Variants in PPM1L observed in about 807,000 individuals in gnomAD.
The protein encoded by PPM1L is protein phosphatase, Mg2+/Mn2+ dependent 1L.
A neutral mutation model predicts 31.4 loss-of-function variants in PPM1L; 13 were observed. That is an observed-to-expected ratio of 0.41 (90% CI 0.27 to 0.66). The LOEUF is 0.66. Among genes scored for constraint, PPM1L ranks in the 30% least tolerant of loss-of-function variants. The pLI, the probability that PPM1L is intolerant of heterozygous loss-of-function variation, is 0.29. For synonymous variants in PPM1L, 184 were observed against 175.4 expected (o/e 1.05, Z -0.39); for missense variants, 326 against 453.7 (o/e 0.72, Z 2.56).
At chr3:160,944,677 A>C (rs1289829324) in intron 1 of PPM1L, among the ~76,000 whole-genome samples, 1 of 140,490 alleles carries the variant, frequency 7.1e-6, no homozygotes, top group Non-Finnish European at 1.5e-5. Flanking sequence ...AAGGCACATA[A>C]TAAATGCAAG....
In PPM1L at chr3:160,877,823, G is replaced by A. The variant is rs147870404; in HGVS notation, c.400-83913G>A. On this transcript the variant is annotated intron_variant, in intron 1 of 3. Coordinates refer to ENST00000498165, the MANE Select transcript of PPM1L (RefSeq NM_139245.4). Reference sequence around the variant, plus strand: ...ACCCTAATCTTCTTATTAAGCAAATGGGTTTTCTACTTGGCCAGTGCTCTG... The same window carrying A: ...ACCCTAATCTTCTTATTAAGCAAATAGGTTTTCTACTTGGCCAGTGCTCTG... Among the ~76,000 whole-genome samples, 404 of 152,252 alleles carry A rather than the reference G, an allele frequency of 2.7e-3. 1 individual carries two copies. The highest frequency in any genetic ancestry group is 5.1e-3 in the Non-Finnish European group (346 of 67,998).
chr3:160,921,624 G>A (rs1267025392), intron 1 of PPM1L, among the ~76,000 whole-genome samples: 4 of 152,056 alleles, frequency 2.6e-5, no homozygotes, highest in African/African-American at 9.7e-5. Flanking sequence ...TCACTGGATA[G>A]TAAATAATAA....
At chr3:161,054,221 G>A (rs1719352835) in intron 2 of PPM1L, among the ~76,000 whole-genome samples, 1 of 152,040 alleles carries the variant, frequency 6.6e-6, no homozygotes, top group Non-Finnish European at 1.5e-5. Flanking sequence ...GCCTTGGTGT[G>A]TTCTTAATTA....
At chr3:160,938,670 A>C (rs770066490) in intron 1 of PPM1L, among the ~76,000 whole-genome samples, 1 of 152,196 alleles carries the variant, frequency 6.6e-6, no homozygotes, top group African/African-American at 2.4e-5. Context: ...GATTTTGAAG[A>C]TCTTCTAATC....
intron 1 of PPM1L, among the ~76,000 whole-genome samples, chr3:160,863,548 A>G (rs374047105): frequency 6.6e-6 from 1 of 152,186 alleles, no homozygotes; most frequent in East Asian, 1.9e-4. Flanking sequence ...GAAAGCTCCA[A>G]CCCTAGGTCT....
chr3:160,949,863 C>T (rs1325299574), intron 1 of PPM1L, among the ~76,000 whole-genome samples: 2 of 152,116 alleles, frequency 1.3e-5, no homozygotes, highest in African/African-American at 4.8e-5. Flanking sequence ...ACTTTTGCAA[C>T]CAAGGTGATG....
intron 1 of PPM1L, among the ~76,000 whole-genome samples, chr3:160,768,295 T>C (rs1298685855): frequency 3.3e-5 from 5 of 152,178 alleles, no homozygotes; most frequent in Non-Finnish European, 7.3e-5. Flanking sequence ...TCAAGGAGAT[T>C]CCACATTTTC....
intron 1 of PPM1L, among the ~76,000 whole-genome samples, chr3:160,853,366 A>G (rs746384575): frequency 1.3e-5 from 2 of 152,184 alleles, no homozygotes; most frequent in African/African-American, 4.8e-5. Context: ...TCCTACCTGT[A>G]TTAAGAATAT....
chr3:160,917,453 G>A (rs1219071568), intron 1 of PPM1L, among the ~76,000 whole-genome samples: 1 of 151,778 alleles, frequency 6.6e-6, no homozygotes, highest in Non-Finnish European at 1.5e-5. Flanking sequence ...ACAAATCAGT[G>A]TACGGTAAGC....
At chr3:160,897,708 A>G (rs1713389694) in intron 1 of PPM1L, among the ~76,000 whole-genome samples, 1 of 152,264 alleles carries the variant, frequency 6.6e-6, no homozygotes, top group South Asian at 2.1e-4. Context: ...ATCAAAATTC[A>G]TCTGCCAGAA....
At chr3:160,835,104 T>TTC (rs1371844266) in intron 1 of PPM1L, among the ~76,000 whole-genome samples, 56 of 143,020 alleles carry the variant, frequency 3.9e-4, no homozygotes, top group African/African-American at 1.4e-3. Context: ...TTCTTTCTTC[T>TTC]TTCTTCCTTC....
chr3:160,889,061 A>C (rs955688143), intron 1 of PPM1L, among the ~76,000 whole-genome samples: 7 of 152,234 alleles, frequency 4.6e-5, no homozygotes, highest in Non-Finnish European at 8.8e-5. Flanking sequence ...GAAAGATTTC[A>C]AATGAACACC....
chr3:160,865,107 C>T (rs1050739635), intron 1 of PPM1L, among the ~76,000 whole-genome samples: 2 of 152,090 alleles, frequency 1.3e-5, no homozygotes, highest in Non-Finnish European at 2.9e-5. Context: ...AGTTTTGATG[C>T]CAAATATCAG....
rs1249521627 is a variant in PPM1L, at chr3:161,073,008, C to T, written c.*3851C>T. ...TTAGATACTATGCCTGTTTAATTGC[C>T]TCTGGATTAAGTCATTGATAGCTAG... On this transcript the variant is annotated 3_prime_UTR_variant, in exon 4 of 4. Transcript: ENST00000498165. 6.6e-6 allele frequency: 1 copy of T among 152,176 alleles called. No individual in the cohort carries two copies. Among genetic ancestry groups the T allele is most frequent in the Non-Finnish European group, 1.5e-5 (1 of 68,030 alleles). The allele number at this position is 152,176 out of a possible 1,614,324, so 9.4% of individuals were successfully genotyped here. A position where few individuals can be genotyped will look rare whatever the true frequency, so the allele number is the denominator to read the frequency against.
intron 2 of PPM1L, among the ~76,000 whole-genome samples, chr3:161,015,580 C>G (rs1242460428): frequency 6.6e-6 from 1 of 152,180 alleles, no homozygotes; most frequent in Non-Finnish European, 1.5e-5. Context: ...AAAGGCTTTC[C>G]TGTGGCACAC....
intron 1 of PPM1L, among the ~76,000 whole-genome samples, chr3:160,788,312 G>A (rs562072063): frequency 1.3e-4 from 19 of 151,942 alleles, no homozygotes; most frequent in Non-Finnish European, 2.1e-4. Context: ...TGTAATTCTC[G>A]TTGTAGAGAT....
chr3:160,846,056 G>A (rs1179223373), intron 1 of PPM1L, among the ~76,000 whole-genome samples: 2 of 151,936 alleles, frequency 1.3e-5, no homozygotes, highest in African/African-American at 2.4e-5. Context: ...TAAAAGATTT[G>A]CAAATAGAAT....
At chr3:160,997,752 A>G (rs1717369779) in intron 2 of PPM1L, among the ~76,000 whole-genome samples, 1 of 152,196 alleles carries the variant, frequency 6.6e-6, no homozygotes, top group South Asian at 2.1e-4. Context: ...GGGAAGGGTC[A>G]GTTGGACAAG....
In PPM1L at chr3:161,075,345, G is replaced by C. The variant is rs566012788; in HGVS notation, c.*6188G>C. On this transcript the variant is annotated 3_prime_UTR_variant, in exon 4 of 4. Transcript: ENST00000498165. ...AGCTTATAAGAAATGTGGATTATCAGATTTTTACTATATATAGGTTGTGTT... is the reference window on the plus strand; with the variant it reads ...AGCTTATAAGAAATGTGGATTATCACATTTTTACTATATATAGGTTGTGTT... 1 of 152,152 alleles carries C rather than the reference G, an allele frequency of 6.6e-6. No individual in the cohort carries two copies. Among genetic ancestry groups the C allele is most frequent in the African/African-American group, 2.4e-5 (1 of 41,432 alleles). 9.4% of individuals were successfully genotyped at this position (152,152 alleles called of 1,614,324 possible). A position where few individuals can be genotyped will look rare whatever the true frequency, so the allele number is the denominator to read the frequency against.
Sources: gnomAD v4.1 joint callset for allele counts (sites outside exome capture counted in the v4.1 genomes callset) on GRCh38, gnomAD v4.1.1 for gene constraint, MANE v1.5 for transcripts, NCBI Gene and HGNC (gene_info 2026-07-23, HGNC 2026-07-21) for gene names.